TTC34: variants seen among roughly 807,000 people sequenced by gnomAD.
TTC34 encodes tetratricopeptide repeat protein 34.
A neutral mutation model predicts 40.7 loss-of-function variants in TTC34; 44 were observed. That is an observed-to-expected ratio of 1.08 (90% confidence interval 0.85 to 1.39). The LOEUF (loss-of-function observed/expected upper bound fraction) is 1.39. Among genes scored for constraint, TTC34 ranks in the 40% most tolerant of loss-of-function variants. TTC34 has a pLI of 0.00. For synonymous variants in TTC34, 422 were observed against 398.6 expected (o/e 1.06, Z -0.70); for missense variants, 884 against 838.0 (o/e 1.05, Z -0.68).
intron 6 of TTC34, among the ~76,000 whole-genome samples, chr1:2,686,491 G>A (rs56247686): frequency 9.1e-6 from 1 of 109,790 alleles, no homozygotes. Context: ...GCCCAGCTGA[G>A]CCTGTGACAG....
At chr1:2,677,542 A>ATCTG (rs1639952461) in intron 6 of TTC34, among the ~76,000 whole-genome samples, 1 of 93,026 alleles carries the variant, frequency 1.1e-5, no homozygotes, top group Non-Finnish European at 2.3e-5. Flanking sequence ...CCAGGTGAGC[A>ATCTG]ACTGACAGCC....
intron 8 of TTC34, among the ~76,000 whole-genome samples, chr1:2,643,911 C>T (rs1249814580): frequency 6.6e-6 from 1 of 152,250 alleles, no homozygotes; most frequent in Non-Finnish European, 1.5e-5. Flanking sequence ...CCCCACGTGC[C>T]TTCTCCCGGC....
At chr1:2,749,729 AG>A (rs1641256025) in intron 6 of TTC34, among the ~76,000 whole-genome samples, 1 of 87,210 alleles carries the variant, frequency 1.1e-5, no homozygotes, top group Non-Finnish European at 2.1e-5. Flanking sequence ...GCACAACCCC[AG>A]GTGAGCATCT....
chr1:2,683,552 A>G (rs1335097216), intron 6 of TTC34, among the ~76,000 whole-genome samples: 51 of 53,318 alleles, frequency 9.6e-4, no homozygotes, highest in Non-Finnish European at 1.6e-3. Flanking sequence ...AGCACCCACA[A>G]CCACAGGTGA....
intron 6 of TTC34, among the ~76,000 whole-genome samples, chr1:2,675,114 C>CAA (rs1639853483): frequency 1.9e-4 from 1 of 5,254 alleles, no homozygotes; most frequent in Non-Finnish European, 8.7e-4. Flanking sequence ...TGGAGCAGTG[C>CAA]CCACACCCCC....
intron 6 of TTC34, among the ~76,000 whole-genome samples, chr1:2,750,042 C>A (rs1344254016): frequency 3.7e-5 from 4 of 107,304 alleles, no homozygotes; most frequent in Non-Finnish European, 5.4e-5. Flanking sequence ...GCAGCACCCA[C>A]ACCCTCAGGT....
intron 6 of TTC34, among the ~76,000 whole-genome samples, chr1:2,769,712 C>G (rs548014202): frequency 4.7e-5 from 7 of 148,204 alleles, no homozygotes; most frequent in East Asian, 4.0e-4. Flanking sequence ...GCACCCACAC[C>G]CCCAGGTGAG....
intron 6 of TTC34, among the ~76,000 whole-genome samples, chr1:2,687,409 C>A (rs1640413776): frequency 6.7e-6 from 1 of 149,176 alleles, no homozygotes; most frequent in Non-Finnish European, 1.5e-5. Flanking sequence ...CCCACACCCC[C>A]AGGTGAGCAT....
At chr1:2,688,634 T>A (rs530259620) in intron 6 of TTC34, among the ~76,000 whole-genome samples, 1 of 122,404 alleles carries the variant, frequency 8.2e-6, no homozygotes, top group East Asian at 2.4e-4. Flanking sequence ...TCTGATGGTC[T>A]GGAGTAGCAC....
At position 2,683,600 on chromosome 1, in the gene TTC34, C is replaced by A. The variant is rs796893211; in HGVS notation, c.2227-38037G>T. Among the ~76,000 whole-genome samples the A allele has an allele frequency of 2.2e-4, 25 of 112,412 alleles. No homozygotes were observed. The South Asian group carries it at 6.9e-3, about 31-fold the overall frequency. The allele number at this position is 112,412 out of a possible 152,430, so 73.7% of individuals were successfully genotyped here. A position where few individuals can be genotyped will look rare whatever the true frequency, so the allele number is the denominator to read the frequency against. On this transcript the variant is annotated intron_variant, in intron 6 of 8. Coordinates refer to ENST00000401095, the Ensembl canonical transcript of TTC34. ...CTGGAACAGCACCCACACACTCAGG[C>A]GAGCATCTGACATCCTTCAGCAGCA... is the stretch of plus-strand genomic sequence containing the variant.
chr1:2,639,055 G>A (rs1044962532), exon 9 of TTC34: 3 of 152,226 alleles, frequency 2.0e-5, no homozygotes, highest in African/African-American at 7.2e-5. Flanking sequence ...AGAACTCTGG[G>A]GTCTCTTTTA....
At chr1:2,688,130 C>A (rs535779973) in intron 6 of TTC34, among the ~76,000 whole-genome samples, 57 of 148,052 alleles carry the variant, frequency 3.8e-4, no homozygotes, top group African/African-American at 1.4e-3. Context: ...ACCCACACCC[C>A]CAGGCGAGCA....
intron 6 of TTC34, among the ~76,000 whole-genome samples, chr1:2,757,311 C>G (rs1370511948): frequency 6.0e-5 from 8 of 132,712 alleles, no homozygotes; most frequent in Middle Eastern, 3.7e-3. Context: ...ACCCACACCC[C>G]CAGGCGAGGA....
chr1:2,695,748 A>AG (rs1640832990), intron 6 of TTC34, among the ~76,000 whole-genome samples: 1 of 150,072 alleles, frequency 6.7e-6, no homozygotes, highest in Non-Finnish European at 1.5e-5. Flanking sequence ...CTGGAACAGC[A>AG]CCCACACCCC....
chr1:2,750,228 G>C (rs1641270109), intron 6 of TTC34, among the ~76,000 whole-genome samples: 1 of 152,170 alleles, frequency 6.6e-6, no homozygotes. Context: ...CTGATGGTCT[G>C]GAGCAGCACC....
chr1:2,687,149 G>A (rs1357531038), intron 6 of TTC34, among the ~76,000 whole-genome samples: 1 of 144,970 alleles, frequency 6.9e-6, no homozygotes, highest in Non-Finnish European at 1.5e-5. Flanking sequence ...CTGACAGCCT[G>A]GAACAGTACC....
chr1:2,775,978 G>A (rs916612053), intron 6 of TTC34: 1 of 108,204 alleles, frequency 9.2e-6, no homozygotes, highest in African/African-American at 5.2e-5. Flanking sequence ...GCTCACCTGG[G>A]GACGCGTGGA....
At chr1:2,749,743 C>T (rs1392563095) in intron 6 of TTC34, among the ~76,000 whole-genome samples, 5 of 73,802 alleles carry the variant, frequency 6.8e-5, no homozygotes, top group Non-Finnish European at 9.9e-5. Flanking sequence ...GAGCATCTGA[C>T]AGACTGGAAC....
intron 6 of TTC34, among the ~76,000 whole-genome samples, chr1:2,684,564 T>A (rs1158803384): frequency 7.7e-6 from 1 of 130,534 alleles, no homozygotes; most frequent in South Asian, 2.5e-4. Context: ...CAACCCCAGG[T>A]GAGCATCCGA....
Sources: allele counts gnomAD v4.1 joint callset (sites outside exome capture counted in the v4.1 genomes callset), GRCh38; gene constraint gnomAD v4.1.1; transcripts MANE v1.5; gene names NCBI Gene and HGNC (gene_info 2026-07-23, HGNC 2026-07-21).